Variants in INPP4B observed in about 807,000 individuals in gnomAD.
The protein encoded by INPP4B is inositol polyphosphate-4-phosphatase type II B.
In INPP4B, 55 loss-of-function variants were observed where a neutral mutation model predicts 122.5. That is an observed-to-expected ratio of 0.45 (90% confidence interval 0.36 to 0.56). The LOEUF is 0.56. Among genes scored for constraint, INPP4B ranks in the 20% least tolerant of loss-of-function variants. The pLI is 0.00. For synonymous variants in INPP4B, 403 were observed against 388.7 expected (o/e 1.04, Z -0.43); for missense variants, 1,000 against 1,097.7 (o/e 0.91, Z 1.26).
Position 142,305,884 on chromosome 4 carries a change from G to A in INPP4B, c.424-347C>T, listed in dbSNP as rs1763165037. The A allele has an allele frequency of 2.8e-6, 3 of 1,062,102 alleles. No homozygotes were observed. In the South Asian group the frequency reaches 8.4e-5, roughly 30 times the overall value. 65.8% of individuals were successfully genotyped at this position (1,062,102 alleles called of 1,614,324 possible). ...TATATTTTCCATATTTACCAATGCT[G>A]TTGTTCCTCTTATTAGAATTCCTCA... On this transcript the variant is annotated intron_variant, in intron 8 of 25. Coordinates refer to ENST00000262992, the MANE Select transcript of INPP4B (RefSeq NM_001101669.3).
At chr4:142,660,334 A>C (rs903094953) in intron 2 of INPP4B, among the ~76,000 whole-genome samples, 4 of 152,102 alleles carry the variant, frequency 2.6e-5, no homozygotes, top group African/African-American at 9.7e-5. Flanking sequence ...TAGGAAGAGA[A>C]GGGAACTAGA....
chr4:142,562,716 T>G lies in INPP4B; in HGVS notation c.-190-99990A>C, dbSNP rs75684557. Among the ~76,000 whole-genome samples the G allele has an allele frequency of 7.2e-3, 1,097 of 151,500 alleles. 12 individuals carry two copies. Among genetic ancestry groups the G allele is most frequent in the African/African-American group, 0.025 (1,020 of 41,280 alleles). On this transcript the variant is annotated intron_variant, in intron 2 of 25. Coordinates refer to ENST00000262992, the MANE Select transcript of INPP4B (RefSeq NM_001101669.3). ...ATTTAGAATCTATAAGAAAAAAAAA[T>G]AGAGAGATAATAAAATAAAGAGAAA... is the stretch of plus-strand genomic sequence containing the variant.
chr4:142,311,856 C>T (rs1207760283), intron 8 of INPP4B, among the ~76,000 whole-genome samples: 1 of 152,154 alleles, frequency 6.6e-6, no homozygotes, highest in East Asian at 1.9e-4. Flanking sequence ...CCAGAATGTG[C>T]TACCTGGGGT....
chr4:142,123,516 A>G, intron 19 of INPP4B, 101 bp from the exon 20 acceptor site: 2 of 1,085,822 alleles, frequency 1.8e-6, no homozygotes, highest in Non-Finnish European at 2.6e-6. Flanking sequence ...TTCGATTATC[A>G]GGTATGTATA....
At chr4:142,094,051 AT>A (rs553638306) in intron 23 of INPP4B, among the ~76,000 whole-genome samples, 1 of 152,268 alleles carries the variant, frequency 6.6e-6, no homozygotes, top group African/African-American at 2.4e-5. Flanking sequence ...TCCTGTTTAT[AT>A]TTTTTTAAAG....
At chr4:142,443,751 G>C (rs1173162469) in intron 3 of INPP4B, among the ~76,000 whole-genome samples, 1 of 152,054 alleles carries the variant, frequency 6.6e-6, no homozygotes, top group East Asian at 1.9e-4. Flanking sequence ...AGAGTGGAGA[G>C]TGGAGAGCAG....
At chr4:142,583,280 G>A (rs1735490170) in intron 2 of INPP4B, among the ~76,000 whole-genome samples, 1 of 152,102 alleles carries the variant, frequency 6.6e-6, no homozygotes, top group African/African-American at 2.4e-5. Flanking sequence ...TGTCACAGAT[G>A]CTGTCAACTA....
intron 25 of INPP4B, among the ~76,000 whole-genome samples, chr4:142,050,096 C>T (rs1388125493): frequency 2.0e-5 from 3 of 151,948 alleles, no homozygotes; most frequent in African/African-American, 7.2e-5. Flanking sequence ...TGTTAGGCTC[C>T]CGCATCACAT....
At chr4:142,398,974 G>A (rs1355667577) in intron 7 of INPP4B, among the ~76,000 whole-genome samples, 2 of 151,988 alleles carry the variant, frequency 1.3e-5, no homozygotes, top group East Asian at 3.9e-4. Context: ...GTATACTTCT[G>A]CAAAATAGAG....
At chr4:142,219,679 C>T (rs984978667) in intron 12 of INPP4B, among the ~76,000 whole-genome samples, 11 of 152,116 alleles carry the variant, frequency 7.2e-5, no homozygotes, top group Non-Finnish European at 1.2e-4. Context: ...ATAATTTGTG[C>T]CCACAATTTC....
In INPP4B at chr4:142,319,189, T is replaced by C. The variant is rs1034190030; in HGVS notation, c.373-4427A>G. ...TCATGCAAGTGCATCTGCTCATTGG[T>C]AGGTGAGGGAGAAGCATCCTCCCTC... On this transcript the variant is annotated intron_variant, in intron 7 of 25. Coordinates refer to ENST00000262992, the MANE Select transcript of INPP4B (RefSeq NM_001101669.3). 1.2e-4 allele frequency among the ~76,000 whole-genome samples: 19 copies of C among 152,090 alleles called. 2 individuals carry two copies. Among genetic ancestry groups the C allele is most frequent in the Admixed American group, 1.2e-3 (19 of 15,266 alleles).
chr4:142,340,470 C>A (rs545175077), intron 7 of INPP4B, among the ~76,000 whole-genome samples: 6 of 152,172 alleles, frequency 3.9e-5, no homozygotes, highest in African/African-American at 1.4e-4. Context: ...TATAGTGGCA[C>A]AATCATGGCT....
At chr4:142,136,690 G>A (rs1804485856) in intron 18 of INPP4B, among the ~76,000 whole-genome samples, 1 of 152,142 alleles carries the variant, frequency 6.6e-6, no homozygotes, top group Non-Finnish European at 1.5e-5. Context: ...TGTAGGGCCT[G>A]TAAAAAAGGG....
chr4:142,126,951 A>G (rs1017990469), intron 18 of INPP4B, among the ~76,000 whole-genome samples: 10 of 152,170 alleles, frequency 6.6e-5, no homozygotes, highest in Non-Finnish European at 1.3e-4. Context: ...AAAAACTTCA[A>G]TAAATTAACC....
chr4:142,517,897 G>A (rs115017040), intron 2 of INPP4B, among the ~76,000 whole-genome samples: 2,481 of 152,262 alleles, frequency 0.016, 37 homozygotes, highest in Non-Finnish European at 0.025. Context: ...ATTGATGGAT[G>A]TATTTCCTTT....
At chr4:142,303,557 G>C (rs924713782) in intron 9 of INPP4B, among the ~76,000 whole-genome samples, 1 of 151,938 alleles carries the variant, frequency 6.6e-6, no homozygotes, top group African/African-American at 2.4e-5. Context: ...AATTACATCA[G>C]AATTTTTAAA....
At chr4:142,117,296 C>A (rs575480020) in intron 21 of INPP4B, among the ~76,000 whole-genome samples, 2 of 152,284 alleles carry the variant, frequency 1.3e-5, no homozygotes, top group East Asian at 3.9e-4. Flanking sequence ...AACGAATCCT[C>A]CCTAACTCAC....
At chr4:142,657,354 G>C (rs139987054) in intron 2 of INPP4B, among the ~76,000 whole-genome samples, 137 of 152,282 alleles carry the variant, frequency 9.0e-4, no homozygotes, top group African/African-American at 3.1e-3. Context: ...TTTGGGTTTT[G>C]AGATCTATTT....
At chr4:142,703,796 AG>A (rs1762116741) in intron 2 of INPP4B, among the ~76,000 whole-genome samples, 1 of 152,214 alleles carries the variant, frequency 6.6e-6, no homozygotes. Context: ...GCATTCCAGT[AG>A]GTAAAGGGGG....
Sources: allele counts gnomAD v4.1 joint callset (sites outside exome capture counted in the v4.1 genomes callset), GRCh38; gene constraint gnomAD v4.1.1; transcripts MANE v1.5; gene names NCBI Gene and HGNC (gene_info 2026-07-23, HGNC 2026-07-21).